CMC1: variants seen among roughly 807,000 people sequenced by gnomAD.
The protein encoded by CMC1 is C-X9-C motif containing 1.
Under a neutral mutation model 14.1 loss-of-function variants are expected in CMC1, and 14 were observed. That is an observed-to-expected ratio of 0.99 (90% confidence interval 0.66 to 1.55). The LOEUF (loss-of-function observed/expected upper bound fraction) is 1.55. CMC1 is among the 40% of genes most tolerant of loss of function. CMC1 has a pLI of 0.00. For missense variants in CMC1, 127 were observed against 123.8 expected, an observed-to-expected ratio of 1.03 and a Z score of -0.12; for synonymous variants, 50 against 38.4, an observed-to-expected ratio of 1.30 and a Z score of -1.12.
chr3:28,248,851 G>A (rs1441512118), intron 1 of CMC1, among the ~76,000 whole-genome samples: 3 of 151,954 alleles, frequency 2.0e-5, no homozygotes, highest in East Asian at 1.9e-4. Context: ...GTGCAGTGGC[G>A]TGATCTCAGC....
chr3:28,261,581 A>G (rs1240903127), intron 1 of CMC1, among the ~76,000 whole-genome samples: 3 of 152,114 alleles, frequency 2.0e-5, no homozygotes, highest in Admixed American at 6.6e-5. Flanking sequence ...TTTTAGTCCA[A>G]TTTTGGAAGT....
chr3:28,247,750 A>G (rs1360347279), intron 1 of CMC1, among the ~76,000 whole-genome samples: 1 of 152,232 alleles, frequency 6.6e-6, no homozygotes, highest in Non-Finnish European at 1.5e-5. Flanking sequence ...ACATGTATAC[A>G]TACACACAGG....
intron 2 of CMC1, among the ~76,000 whole-genome samples, chr3:28,285,705 A>T (rs1213179893): frequency 3.3e-5 from 5 of 150,682 alleles, no homozygotes; most frequent in East Asian, 1.9e-4. Flanking sequence ...AAAACCCATG[A>T]CTTTTGGACC....
intron 1 of CMC1, among the ~76,000 whole-genome samples, chr3:28,243,116 C>T (rs1171155006): frequency 1.3e-5 from 2 of 151,988 alleles, no homozygotes; most frequent in Non-Finnish European, 2.9e-5. Context: ...AGTGCAGTGG[C>T]GCTATCTCGG....
intron 2 of CMC1, among the ~76,000 whole-genome samples, chr3:28,291,357 A>G (rs1701460047): frequency 2.0e-5 from 3 of 152,114 alleles, no homozygotes; most frequent in Admixed American, 2.0e-4. Context: ...CTCTGTTTGC[A>G]TTAACCTTTT....
chr3:28,311,357 A>G (rs1702630974), intron 2 of CMC1, among the ~76,000 whole-genome samples: 1 of 152,174 alleles, frequency 6.6e-6, no homozygotes, highest in Non-Finnish European at 1.5e-5. Flanking sequence ...ATTGATGCAG[A>G]GGTCGCAGGG....
intron 1 of CMC1, among the ~76,000 whole-genome samples, chr3:28,259,112 T>C (rs907725359): frequency 6.6e-6 from 1 of 151,768 alleles, no homozygotes; most frequent in Non-Finnish European, 1.5e-5. Flanking sequence ...TGCTTCCTTG[T>C]ATGTTTTTTC....
intron 2 of CMC1, among the ~76,000 whole-genome samples, chr3:28,293,179 C>T (rs1023425645): frequency 2.0e-4 from 31 of 152,008 alleles, no homozygotes. Flanking sequence ...TTTTCTTCCC[C>T]GTGTCTGCCT....
intron 2 of CMC1, among the ~76,000 whole-genome samples, chr3:28,301,992 TGGA>T (rs1702074409): frequency 6.6e-6 from 1 of 151,986 alleles, no homozygotes; most frequent in Admixed American, 6.6e-5. Context: ...AACAGTAAGA[TGGA>T]GTAGGAAACA....
At chr3:28,256,093 T>C (rs1699390656) in intron 1 of CMC1, among the ~76,000 whole-genome samples, 1 of 152,016 alleles carries the variant, frequency 6.6e-6, no homozygotes, top group Non-Finnish European at 1.5e-5. Flanking sequence ...TGATAGGTTG[T>C]GTATTGGTCA....
chr3:28,300,245 G>T (rs1245983659), intron 2 of CMC1, among the ~76,000 whole-genome samples: 1 of 152,118 alleles, frequency 6.6e-6, no homozygotes, highest in African/African-American at 2.4e-5. Flanking sequence ...TTTTACACTG[G>T]AATACTGTTT....
intron 2 of CMC1, among the ~76,000 whole-genome samples, chr3:28,268,846 A>T (rs1700132838): frequency 6.6e-6 from 1 of 152,256 alleles, no homozygotes; most frequent in African/African-American, 2.4e-5. Context: ...GAATTATTTT[A>T]AAAATAACTG....
chr3:28,263,117 A>G (rs1699818287), intron 1 of CMC1, 174 bp from the exon 2 acceptor site: 2 of 546,680 alleles, frequency 3.7e-6, no homozygotes, highest in Non-Finnish European at 6.5e-6. Flanking sequence ...TGTATATAAA[A>G]AAACATTGCA....
intron 1 of CMC1, chr3:28,253,647 A>T: frequency 4.4e-6 from 3 of 684,654 alleles, no homozygotes; most frequent in South Asian, 1.6e-5. Flanking sequence ...ACAAACAAAG[A>T]AGAGGGATCC....
intron 1 of CMC1, among the ~76,000 whole-genome samples, chr3:28,254,304 G>C (rs995301015): frequency 6.6e-6 from 1 of 152,112 alleles, no homozygotes; most frequent in African/African-American, 2.4e-5. Flanking sequence ...TTGTAATGTT[G>C]AAGATAGCTT....
At chr3:28,292,202 G>A (rs930935373) in intron 2 of CMC1, among the ~76,000 whole-genome samples, 2 of 151,896 alleles carry the variant, frequency 1.3e-5, no homozygotes, top group African/African-American at 4.8e-5. Flanking sequence ...GAAATTTATA[G>A]TATAATACTA....
At chr3:28,287,830 ATG>A in intron 2 of CMC1, among the ~76,000 whole-genome samples, 1 of 151,894 alleles carries the variant, frequency 6.6e-6, no homozygotes, top group Middle Eastern at 3.4e-3. Flanking sequence ...TTCAGTTTTT[ATG>A]TGTTATTTTA....
Position 28,322,452 on chromosome 3 carries a change from C to T in CMC1, c.*2823C>T, listed in dbSNP as rs1004164076. 6.6e-6 allele frequency: 1 copy of T among 151,342 alleles called. No homozygotes were observed. The highest frequency in any genetic ancestry group is 1.5e-5 in the Non-Finnish European group (1 of 67,298). 9.4% of individuals were successfully genotyped at this position (151,342 alleles called of 1,614,324 possible). Reference sequence around the variant, plus strand: ...TATCTCATAAGACTTTTTTTCTTTACAAAGGAAAATTTCCAATTTTGGTTT... The same window carrying T: ...TATCTCATAAGACTTTTTTTCTTTATAAAGGAAAATTTCCAATTTTGGTTT... On this transcript the variant is annotated 3_prime_UTR_variant, in exon 4 of 4. Coordinates refer to ENST00000466830, the MANE Select transcript of CMC1 (RefSeq NM_182523.2).
In CMC1 at chr3:28,323,714, G is replaced by A. The variant is rs576210595; in HGVS notation, c.*4085G>A. 1 of 187,782 alleles carries A rather than the reference G, an allele frequency of 5.3e-6. No individual in the cohort carries two copies. The highest frequency in any genetic ancestry group is 1.1e-5 in the Non-Finnish European group (1 of 92,298). 11.6% of individuals were successfully genotyped at this position (187,782 alleles called of 1,614,324 possible). Reference sequence around the variant, plus strand: ...GACATTTCACATTTTGTAAAACCACGTCTACAATCTCCAATTCCATTCTTC... The same window carrying A: ...GACATTTCACATTTTGTAAAACCACATCTACAATCTCCAATTCCATTCTTC... On this transcript the variant is annotated 3_prime_UTR_variant, in exon 4 of 4. Transcript: ENST00000466830.
Sources: allele counts gnomAD v4.1 joint callset (sites outside exome capture counted in the v4.1 genomes callset), GRCh38; gene constraint gnomAD v4.1.1; transcripts MANE v1.5; gene names NCBI Gene and HGNC (gene_info 2026-07-23, HGNC 2026-07-21).